HMGB1: variants seen among roughly 807,000 people sequenced by gnomAD.
The protein encoded by HMGB1 is high mobility group protein B1.
For synonymous variants in HMGB1, 81 were observed against 84.0 expected, an observed-to-expected ratio of 0.96 and a Z score of 0.19; for missense variants, 79 against 253.5, an observed-to-expected ratio of 0.31 and a Z score of 4.67.
chr13:30,492,255 C>T (rs537282310), intron 1 of HMGB1, among the ~76,000 whole-genome samples: 6 of 151,386 alleles, frequency 4.0e-5, no homozygotes, highest in African/African-American at 9.7e-5. Context: ...TTTGGGAGGC[C>T]GAGGTGGGAG....
chr13:30,460,439 C>T lies in HMGB1; in HGVS notation c.*918G>A, dbSNP rs1370287805. On this transcript the variant is annotated 3_prime_UTR_variant, in exon 5 of 5. Transcript: ENST00000341423. ...ATGGCAGTCTTGTATTTTAAGCTCA[C>T]GCTTTTGGGGATACATTCTCAGGTC... 3.3e-5 allele frequency: 5 copies of T among 151,308 alleles called. No homozygotes were observed. The highest frequency in any genetic ancestry group is 5.9e-5 in the Non-Finnish European group (4 of 67,662). The allele number at this position is 151,308 out of a possible 1,614,324, so 9.4% of individuals were successfully genotyped here.
chr13:30,473,814 A>G (rs568289127), intron 1 of HMGB1, among the ~76,000 whole-genome samples: 30 of 152,350 alleles, frequency 2.0e-4, no homozygotes, highest in African/African-American at 7.0e-4. Flanking sequence ...TCTTCATAGC[A>G]GCAGCATTTG....
chr13:30,520,005 T>C (rs552544272), intron 1 of HMGB1, among the ~76,000 whole-genome samples: 1 of 152,268 alleles, frequency 6.6e-6, no homozygotes, highest in African/African-American at 2.4e-5. Context: ...ATAGGCAAAA[T>C]AAATGGATTT....
At chr13:30,483,454 G>A (rs990872085) in intron 1 of HMGB1, among the ~76,000 whole-genome samples, 6 of 151,754 alleles carry the variant, frequency 4.0e-5, no homozygotes, top group African/African-American at 1.2e-4. Flanking sequence ...CTTCATTTCC[G>A]AGGCCACCTT....
chr13:30,585,936 T>G (rs1033748784), intron 1 of HMGB1, among the ~76,000 whole-genome samples: 1 of 152,190 alleles, frequency 6.6e-6, no homozygotes, highest in Admixed American at 6.5e-5. Context: ...TTCCTCTTGA[T>G]CCACTTATCT....
At chr13:30,472,813 A>G (rs1220173372) in intron 1 of HMGB1, among the ~76,000 whole-genome samples, 1 of 151,880 alleles carries the variant, frequency 6.6e-6, no homozygotes, top group African/African-American at 2.4e-5. Context: ...GGTCAACCAT[A>G]TAACCATACA....
chr13:30,612,148 G>A (rs752324762), intron 1 of HMGB1, among the ~76,000 whole-genome samples: 4 of 151,450 alleles, frequency 2.6e-5, no homozygotes, highest in Non-Finnish European at 5.9e-5. Context: ...ATATGTGTAT[G>A]TGTGTGTGTT....
At chr13:30,503,647 CTTTTT>C (rs10590461) in intron 1 of HMGB1, among the ~76,000 whole-genome samples, 4 of 106,438 alleles carry the variant, frequency 3.8e-5, no homozygotes, top group Admixed American at 1.1e-4. Flanking sequence ...TACTCAGCTT[CTTTTT>C]TTTTTTTTTT....
rs925874796 is a variant in HMGB1, at chr13:30,559,030, G to A, written c.-15+57641C>T. On this transcript the variant is annotated intron_variant, in intron 1 of 4. Transcript: ENST00000405805. This position sits in a 1 kb window ranked among gnomAD's most constrained non-coding sequence, Gnocchi z 6.6. ...TTCAGAATGTGTTGAATGAATAAATGATCTGTACACTTTTCCAGAAAGCTC... is the reference window on the plus strand; with the variant it reads ...TTCAGAATGTGTTGAATGAATAAATAATCTGTACACTTTTCCAGAAAGCTC... Among the ~76,000 whole-genome samples the A allele has an allele frequency of 3.9e-5, 6 of 152,172 alleles. No homozygotes were observed. The highest frequency in any genetic ancestry group is 1.4e-4 in the African/African-American group (6 of 41,434).
intron 1 of HMGB1, among the ~76,000 whole-genome samples, chr13:30,548,424 G>A (rs1269818458): frequency 1.3e-5 from 2 of 152,018 alleles, no homozygotes; most frequent in African/African-American, 4.8e-5. Flanking sequence ...CCCAGTCTTG[G>A]GTATATCTTT....
At chr13:30,462,226 A>G (rs1886392124) in intron 4 of HMGB1, 1 of 390,096 alleles carries the variant, frequency 2.6e-6, no homozygotes, top group Non-Finnish European at 4.9e-6. Flanking sequence ...CTGTTTTTGT[A>G]CTGTATGCCA....
At chr13:30,554,009 C>G (rs1409330617) in intron 1 of HMGB1, 23 of 1,482,378 alleles carry the variant, frequency 1.6e-5, no homozygotes, top group Non-Finnish European at 2.2e-5. Flanking sequence ...TTGTGCTGAA[C>G]CGCATTGTGG....
intron 1 of HMGB1, among the ~76,000 whole-genome samples, chr13:30,489,989 A>C: frequency 7.0e-6 from 1 of 142,004 alleles, no homozygotes; most frequent in Non-Finnish European, 1.5e-5. Flanking sequence ...GCCTCCCAGA[A>C]TGTTGGGATT....
chr13:30,462,465 C>A (rs780660128), intron 4 of HMGB1, 73 bp downstream of exon 4: 1 of 1,216,714 alleles, frequency 8.2e-7, no homozygotes, highest in African/African-American at 1.5e-5. Flanking sequence ...AAACTTATTA[C>A]ACCTCAAACT....
intron 1 of HMGB1, among the ~76,000 whole-genome samples, chr13:30,588,953 T>C (rs1871265799): frequency 1.3e-5 from 2 of 151,968 alleles, no homozygotes; most frequent in African/African-American, 2.4e-5. Context: ...TTTACTATTG[T>C]TTTCTGATGA....
chr13:30,475,284 G>A (rs1298967304), intron 1 of HMGB1, among the ~76,000 whole-genome samples: 5 of 143,940 alleles, frequency 3.5e-5, no homozygotes, highest in African/African-American at 7.8e-5. Flanking sequence ...GCGTGACCTC[G>A]GCTCACTGCA....
rs1888549763 is a variant in HMGB1, at chr13:30,533,793, A to C, written c.-14-70099T>G. On this transcript the variant is annotated intron_variant, in intron 1 of 4. Transcript: ENST00000405805. ...TATTAGCTAATTGCAATGTATTGTA[A>C]ATTTTTCCCTTACATAATTTAAAAA... Among the ~76,000 whole-genome samples, 2 of 152,082 alleles carry C rather than the reference A, an allele frequency of 1.3e-5. 1 individual carries two copies. Among genetic ancestry groups the C allele is most frequent in the Admixed American group, 1.3e-4 (2 of 15,270 alleles).
intron 1 of HMGB1, among the ~76,000 whole-genome samples, chr13:30,603,343 T>C (rs1342820271): frequency 6.6e-6 from 1 of 152,198 alleles, no homozygotes; most frequent in Admixed American, 6.5e-5. Flanking sequence ...CTTGGAAGTA[T>C]CAAGGAGGCA....
chr13:30,531,501 A>T (rs1351613905), intron 1 of HMGB1, among the ~76,000 whole-genome samples: 1 of 140,294 alleles, frequency 7.1e-6, no homozygotes, highest in Non-Finnish European at 1.5e-5. Flanking sequence ...TATGCTAGGT[A>T]ACATATACGT....
Sources: allele counts gnomAD v4.1 joint callset (sites outside exome capture counted in the v4.1 genomes callset), GRCh38; gene constraint gnomAD v4.1.1; non-coding constraint Gnocchi (gnomAD v3.1); transcripts MANE v1.5; gene names NCBI Gene and HGNC (gene_info 2026-07-23, HGNC 2026-07-21).